The following CDC42SE2 variants were observed in gnomAD, a reference collection of about 807,000 sequenced individuals.
CDC42SE2 encodes CDC42 small effector 2, also known as CDC42 small effector protein 2.
In CDC42SE2, 3 loss-of-function variants were observed where a neutral mutation model predicts 11.5. The ratio of observed to expected loss-of-function variants is 0.26; its 90% CI spans 0.12 to 0.67. The LOEUF is 0.67. Among genes scored for constraint, CDC42SE2 ranks in the 30% least tolerant of loss-of-function variants. The pLI is 0.80. For synonymous variants in CDC42SE2, 33 were observed against 34.8 expected (o/e 0.95, Z 0.18); for missense variants, 82 against 106.8 (o/e 0.77, Z 1.02).
chr5:131,362,960 A>G (rs1749752010), intron 3 of CDC42SE2, among the ~76,000 whole-genome samples: 1 of 152,088 alleles, frequency 6.6e-6, no homozygotes, highest in Non-Finnish European at 1.5e-5. Context: ...CAGCCTGAGC[A>G]ACATGGTGAA....
upstream of CDC42SE2, among the ~76,000 whole-genome samples, chr5:131,241,413 A>G (rs926134388): frequency 4.6e-5 from 7 of 152,166 alleles, no homozygotes; most frequent in African/African-American, 1.7e-4. Flanking sequence ...CTCAGGCCTC[A>G]AAGTTATATA....
the CDC42SE2 span, among the ~76,000 whole-genome samples, chr5:131,214,110 G>A: frequency 6.6e-6 from 1 of 152,192 alleles, no homozygotes; most frequent in Admixed American, 6.5e-5. Context: ...TAATGTATTA[G>A]AACAAGCTTT....
At chr5:131,350,115 G>A (rs1758966619) in intron 2 of CDC42SE2, among the ~76,000 whole-genome samples, 1 of 151,730 alleles carries the variant, frequency 6.6e-6, no homozygotes, top group Admixed American at 6.6e-5. Flanking sequence ...TGTGTACAAG[G>A]GCCTTGTGGT....
intron 2 of CDC42SE2, among the ~76,000 whole-genome samples, chr5:131,329,070 T>A (rs934308067): frequency 1.3e-5 from 2 of 152,154 alleles, no homozygotes; most frequent in Non-Finnish European, 2.9e-5. Flanking sequence ...GGCTTATTAG[T>A]CTGTGTCTGC....
At position 131,284,189 on chromosome 5, in the gene CDC42SE2, A is replaced by C. The variant is rs560344736; in HGVS notation, c.-455+20023A>C. On this transcript the variant is annotated intron_variant, in intron 1 of 4. Transcript: ENST00000505065. ...TATGTATCAGTACTTCATTCCTTTTAATGGCTGAATAATGTCCCATTGCAT... is the reference window on the plus strand; with the variant it reads ...TATGTATCAGTACTTCATTCCTTTTCATGGCTGAATAATGTCCCATTGCAT... Among the ~76,000 whole-genome samples the C allele has an allele frequency of 2.0e-5, 3 of 152,278 alleles. No homozygotes were observed. The South Asian group carries it at 6.2e-4, about 32-fold the overall frequency.
intron 1 of CDC42SE2, among the ~76,000 whole-genome samples, chr5:131,280,671 G>GTTTTCATGTACAGCAGA (rs1391716903): frequency 1.3e-5 from 2 of 152,206 alleles, no homozygotes; most frequent in East Asian, 3.9e-4. Flanking sequence ...AACCATTCAG[G>GTTTTCATGTACAGCAGA]ATTCTATGTA....
intron 1 of CDC42SE2, among the ~76,000 whole-genome samples, chr5:131,295,907 G>T (rs1757562677): frequency 6.6e-6 from 1 of 151,766 alleles, no homozygotes; most frequent in Admixed American, 6.6e-5. Flanking sequence ...GGGTGGTCTC[G>T]ACCTCCTGAC....
chr5:131,252,058 G>A (rs1446758410), intron 1 of CDC42SE2, among the ~76,000 whole-genome samples: 4 of 41,084 alleles, frequency 9.7e-5, no homozygotes, highest in Non-Finnish European at 2.8e-4. Context: ...AAGAGAATGA[G>A]TGGAAGGAAG....
At chr5:131,318,609 A>G (rs74462738) in intron 2 of CDC42SE2, among the ~76,000 whole-genome samples, 5,217 of 152,316 alleles carry the variant, frequency 0.034, 304 homozygotes, top group African/African-American at 0.12. Flanking sequence ...TGAGTAGAGC[A>G]GAGAAAAGCC....
At chr5:131,318,898 C>CT (rs1470582528) in intron 2 of CDC42SE2, among the ~76,000 whole-genome samples, 3 of 151,800 alleles carry the variant, frequency 2.0e-5, no homozygotes, top group African/African-American at 4.8e-5. Flanking sequence ...ATAATGCATT[C>CT]TTTTTTTTCT....
chr5:131,348,402 G>A (rs1758910704), intron 2 of CDC42SE2, among the ~76,000 whole-genome samples: 3 of 152,142 alleles, frequency 2.0e-5, no homozygotes, highest in Non-Finnish European at 4.4e-5. Context: ...TTGGTACAAA[G>A]AGAATAAAAT....
chr5:131,312,002 T>A (rs941716898), intron 1 of CDC42SE2, among the ~76,000 whole-genome samples: 4 of 152,212 alleles, frequency 2.6e-5, no homozygotes, highest in Non-Finnish European at 4.4e-5. Flanking sequence ...TGCATTCCTT[T>A]GGAGGAGGAG....
intron 1 of CDC42SE2, among the ~76,000 whole-genome samples, chr5:131,254,123 T>G (rs1323667395): frequency 6.6e-6 from 1 of 152,198 alleles, no homozygotes; most frequent in Non-Finnish European, 1.5e-5. Flanking sequence ...CCACGTTGGT[T>G]TGCTGCACCC....
chr5:131,267,689 A>T (rs970586532), intron 1 of CDC42SE2, among the ~76,000 whole-genome samples: 8 of 139,598 alleles, frequency 5.7e-5, no homozygotes, highest in Non-Finnish European at 1.1e-4. Flanking sequence ...GTTTTAATTT[A>T]AAAAAGTTTA....
At chr5:131,329,711 T>G (rs1758375103) in intron 2 of CDC42SE2, among the ~76,000 whole-genome samples, 1 of 151,150 alleles carries the variant, frequency 6.6e-6, no homozygotes. Flanking sequence ...AAACCCCATC[T>G]CTACTAAAAA....
At position 131,347,136 on chromosome 5, in the gene CDC42SE2, A is replaced by G. The variant is rs1165620365; in HGVS notation, c.-285-12073A>G. Among the ~76,000 whole-genome samples, 9 of 152,332 alleles carry G rather than the reference A, an allele frequency of 5.9e-5. No homozygotes were observed. In the South Asian group the frequency reaches 6.2e-4, roughly 11 times the overall value. On this transcript the variant is annotated intron_variant, in intron 2 of 4. Coordinates refer to ENST00000505065, the MANE Select transcript of CDC42SE2 (RefSeq NM_001375635.1). ...TTCAAAAGCTAGAAGAAGGCAAGAA[A>G]TAACTAAGATCAGAGCTGAACTGAA...
chr5:131,329,308 C>T (rs1305908464), intron 2 of CDC42SE2, among the ~76,000 whole-genome samples: 2 of 143,320 alleles, frequency 1.4e-5, no homozygotes, highest in Admixed American at 7.2e-5. Context: ...TTAAGTACAG[C>T]TTTTGGTATC....
At chr5:131,325,539 A>G (rs1030175887) in intron 2 of CDC42SE2, among the ~76,000 whole-genome samples, 1 of 151,046 alleles carries the variant, frequency 6.6e-6, no homozygotes, top group African/African-American at 2.4e-5. Flanking sequence ...TGAGTGTGGT[A>G]AACTTCCTAT....
At chr5:131,346,929 G>C (rs1088581) in intron 2 of CDC42SE2, among the ~76,000 whole-genome samples, 35,690 of 152,066 alleles carry the variant, frequency 0.23, 4,549 homozygotes, top group East Asian at 0.49. Flanking sequence ...AATGAAGGCA[G>C]AAATAAAGAT....
Sources: gnomAD v4.1 joint callset for allele counts (sites outside exome capture counted in the v4.1 genomes callset) on GRCh38, gnomAD v4.1.1 for gene constraint, MANE v1.5 for transcripts, NCBI Gene and HGNC (gene_info 2026-07-23, HGNC 2026-07-21) for gene names.